FRRS1: variants seen among roughly 807,000 people sequenced by gnomAD.
FRRS1 encodes the protein ferric chelate reductase 1, also known as ferric reductase 1.
In FRRS1, 51 loss-of-function variants were observed where a neutral mutation model predicts 70.7. That is an observed-to-expected ratio of 0.72 (90% confidence interval 0.58 to 0.91). The LOEUF (loss-of-function observed/expected upper bound fraction) is 0.91. FRRS1 is among the 40% of genes least tolerant of loss of function. The pLI, the probability that FRRS1 is intolerant of heterozygous loss-of-function variation, is 0.00. For synonymous variants in FRRS1, 225 were observed against 238.7 expected (o/e 0.94, Z 0.53); for missense variants, 672 against 726.0 (o/e 0.93, Z 0.86).
At position 99,709,262 on chromosome 1, in the gene FRRS1, G is replaced by A; in HGVS notation, c.1625-3C>T. The A allele has an allele frequency of 6.3e-7, 1 of 1,596,752 alleles. No individual in the cohort carries two copies. Among genetic ancestry groups the A allele is most frequent in the Middle Eastern group, 1.8e-4 (1 of 5,684 alleles). ...TCTGTCATCATCCAATATTTCAACT[G>A]TCAAGAATAATAACATAAGTTTTTA... is the stretch of plus-strand genomic sequence containing the variant. On this transcript the variant is annotated splice_polypyrimidine_tract_variant and splice_region_variant and intron_variant, in intron 15 of 16. Transcript: ENST00000646001.
intron 1 of FRRS1, among the ~76,000 whole-genome samples, chr1:99,757,692 A>T (rs1656904713): frequency 6.6e-6 from 1 of 152,192 alleles, no homozygotes; most frequent in Non-Finnish European, 1.5e-5. Context: ...TACAATGTTT[A>T]AGGTAAATAG....
Position 99,709,197 on chromosome 1 carries a change from C to A in FRRS1, c.1686+1G>T. The A allele has an allele frequency of 6.2e-7, 1 of 1,609,200 alleles. No homozygotes were observed. Among genetic ancestry groups the A allele is most frequent in the African/African-American group, 1.3e-5 (1 of 74,866 alleles). On this transcript the variant is annotated splice_donor_variant, in intron 16 of 16. Coordinates refer to ENST00000646001, the MANE Select transcript of FRRS1 (RefSeq NM_001361041.2). LOFTEE classifies it high-confidence loss of function. ...TGTCAATGAACAAGAAAAGGACTTA[C>A]CTCTGTTTCCACTGCAGTAAATGAC... is the stretch of plus-strand genomic sequence containing the variant.
intron 1 of FRRS1, among the ~76,000 whole-genome samples, chr1:99,757,448 T>C (rs1413941422): frequency 6.6e-6 from 1 of 152,168 alleles, no homozygotes; most frequent in Non-Finnish European, 1.5e-5. Flanking sequence ...GGGAAAATTT[T>C]TGGAGATAGA....
chr1:99,760,128 A>G (rs935155460), intron 1 of FRRS1, among the ~76,000 whole-genome samples: 1 of 152,220 alleles, frequency 6.6e-6, no homozygotes, highest in African/African-American at 2.4e-5. Context: ...AAACTCCAGA[A>G]AGAATGAATG....
At chr1:99,764,807 T>C (rs1235587391) in intron 1 of FRRS1, among the ~76,000 whole-genome samples, 1 of 152,212 alleles carries the variant, frequency 6.6e-6, no homozygotes, top group East Asian at 1.9e-4. Context: ...CCAAAATATC[T>C]AGCACAATGA....
intron 1 of FRRS1, among the ~76,000 whole-genome samples, chr1:99,753,172 C>T (rs1239259469): frequency 6.6e-6 from 1 of 151,080 alleles, no homozygotes; most frequent in Admixed American, 6.6e-5. Flanking sequence ...ACAATCACAC[C>T]ACTGCACTCC....
intron 14 of FRRS1, chr1:99,711,254 G>A (rs1654260384): frequency 6.8e-6 from 2 of 292,016 alleles, no homozygotes; most frequent in South Asian, 6.5e-5. Context: ...CCAAAGGGTA[G>A]TGTTTCAACT....
intron 4 of FRRS1, among the ~76,000 whole-genome samples, chr1:99,745,703 T>C (rs1656222996): frequency 1.0e-5 from 1 of 97,488 alleles, no homozygotes. Flanking sequence ...AAGTGTTCTA[T>C]TGATATTTGA....
chr1:99,735,959 T>C (rs1483228489), intron 7 of FRRS1, among the ~76,000 whole-genome samples: 4 of 152,192 alleles, frequency 2.6e-5, no homozygotes, highest in African/African-American at 9.7e-5. Context: ...TTTAAGTGGC[T>C]AGAGCATATA....
intron 5 of FRRS1, 142 bp from the exon 6 acceptor site, chr1:99,741,082 C>CA: frequency 1.3e-6 from 1 of 744,714 alleles, no homozygotes; most frequent in Non-Finnish European, 2.2e-6. Flanking sequence ...TTGCCTGAGG[C>CA]AAATCTCTAA....
intron 1 of FRRS1, among the ~76,000 whole-genome samples, chr1:99,759,462 G>C (rs1166392761): frequency 6.6e-6 from 1 of 152,280 alleles, no homozygotes; most frequent in Non-Finnish European, 1.5e-5. Flanking sequence ...CTAGGATTTG[G>C]GGCAAACCTG....
At chr1:99,746,448 T>C (rs534269758) in intron 4 of FRRS1, among the ~76,000 whole-genome samples, 2 of 152,308 alleles carry the variant, frequency 1.3e-5, no homozygotes, top group East Asian at 3.9e-4. Context: ...TGTGCATGAC[T>C]TTTAAAGATT....
intron 8 of FRRS1, 126 bp from the exon 9 acceptor site, chr1:99,728,766 T>C (rs1655201003): frequency 1.6e-6 from 1 of 634,254 alleles, no homozygotes; most frequent in Non-Finnish European, 2.6e-6. Flanking sequence ...TTGTCTGCAG[T>C]GTCATTGTTT....
chr1:99,724,248 A>G (rs370704828), intron 9 of FRRS1, among the ~76,000 whole-genome samples: 15 of 152,350 alleles, frequency 9.8e-5, no homozygotes, highest in African/African-American at 3.4e-4. Flanking sequence ...TAGTGCAAGA[A>G]CCAGCAGTAA....
chr1:99,710,898 G>A lies in FRRS1; in HGVS notation c.1532C>T (p.Ser511Leu). The A allele has an allele frequency of 6.2e-7, 1 of 1,613,908 alleles. No homozygotes were observed. The highest frequency in any genetic ancestry group is 8.5e-7 in the Non-Finnish European group (1 of 1,179,860). The stretch of plus-strand genomic sequence containing the variant: ...TCCGGTCATTGCATAGGTTTTCCAT[G>A]AATCAGGAAGATTCAGTCCTGGTAA... ...MDLPGLNLPD[S>L]WKTYAMTGFV... The change falls in exon 15 of 17, where the codon TCA becomes TTA. Residue 511 changes from serine to leucine, a missense_variant. By Grantham distance (145) the Ser-to-Leu change is moderately radical (BLOSUM62 -2). Coordinates refer to ENST00000646001, the MANE Select transcript of FRRS1 (RefSeq NM_001361041.2).
At chr1:99,764,819 C>G (rs924427172) in intron 1 of FRRS1, among the ~76,000 whole-genome samples, 3 of 152,190 alleles carry the variant, frequency 2.0e-5, no homozygotes, top group Non-Finnish European at 4.4e-5. Flanking sequence ...GCACAATGAC[C>G]ACCATTAACA....
At chr1:99,751,818 A>T (rs1656582182) in intron 1 of FRRS1, among the ~76,000 whole-genome samples, 1 of 152,236 alleles carries the variant, frequency 6.6e-6, no homozygotes, top group South Asian at 2.1e-4. Context: ...TAAAGAAAGG[A>T]GAGCATTGGA....
chr1:99,716,288 GTGGA>G (rs1057120919), intron 11 of FRRS1, among the ~76,000 whole-genome samples: 1 of 152,162 alleles, frequency 6.6e-6, no homozygotes, highest in African/African-American at 2.4e-5. Flanking sequence ...GGATAGATGG[GTGGA>G]TGGATGGATG....
chr1:99,718,828 G>A (rs1252971137), intron 10 of FRRS1, among the ~76,000 whole-genome samples: 1 of 152,068 alleles, frequency 6.6e-6, no homozygotes, highest in Admixed American at 6.5e-5. Flanking sequence ...TCTTTTATTA[G>A]CATTTATTTT....
Sources: allele counts gnomAD v4.1 joint callset (sites outside exome capture counted in the v4.1 genomes callset), GRCh38; gene constraint gnomAD v4.1.1; transcripts MANE v1.5; gene names NCBI Gene and HGNC (gene_info 2026-07-23, HGNC 2026-07-21).